Variants in SUGCT observed in about 807,000 individuals in gnomAD.
SUGCT encodes the protein succinyl-CoA:glutarate CoA-transferase.
A neutral mutation model predicts 55.0 loss-of-function variants in SUGCT; 41 were observed. The observed-to-expected ratio is 0.74, with a 90% CI of 0.58 to 0.97. The LOEUF is 0.97. Among genes scored for constraint, SUGCT ranks in the 50% least tolerant of loss-of-function variants. The pLI, the probability that SUGCT is intolerant of heterozygous loss-of-function variation, is 0.00. For synonymous variants in SUGCT, 187 were observed against 200.4 expected (o/e 0.93, Z 0.56); for missense variants, 568 against 547.8 (o/e 1.04, Z -0.37).
chr7:40,986,527 C>T, the SUGCT span, among the ~76,000 whole-genome samples: 3 of 152,130 alleles, frequency 2.0e-5, no homozygotes, highest in South Asian at 2.1e-4. Flanking sequence ...TAATATTTAT[C>T]GGGTTTATTT....
chr7:40,445,070 A>G (rs1053398342), intron 9 of SUGCT, among the ~76,000 whole-genome samples: 1 of 152,158 alleles, frequency 6.6e-6, no homozygotes, highest in Non-Finnish European at 1.5e-5. Flanking sequence ...CCCAGGGATG[A>G]AGCCAACTTG....
chr7:40,360,819 C>T (rs983141206), intron 9 of SUGCT, among the ~76,000 whole-genome samples: 5 of 151,988 alleles, frequency 3.3e-5, no homozygotes, highest in African/African-American at 1.2e-4. Context: ...TTTAGGTACT[C>T]AAAGACATTT....
At chr7:40,387,475 A>G (rs901565545) in intron 9 of SUGCT, among the ~76,000 whole-genome samples, 4 of 152,062 alleles carry the variant, frequency 2.6e-5, no homozygotes, top group African/African-American at 7.2e-5. Context: ...CTGAGTCACT[A>G]TTTTTCTGAT....
At chr7:40,290,985 T>A (rs1032388645) in intron 8 of SUGCT, among the ~76,000 whole-genome samples, 5 of 152,120 alleles carry the variant, frequency 3.3e-5, no homozygotes, top group Admixed American at 6.5e-5. Context: ...AGAATGGCGA[T>A]CATTAAAAGT....
chr7:40,727,620 T>G (rs1399396419), intron 12 of SUGCT, among the ~76,000 whole-genome samples: 5 of 152,128 alleles, frequency 3.3e-5, no homozygotes, highest in African/African-American at 1.2e-4. Flanking sequence ...TAGAACTGAG[T>G]TTTTCAAACT....
chr7:40,277,857 G>A (rs976790915), intron 8 of SUGCT, among the ~76,000 whole-genome samples: 9 of 151,822 alleles, frequency 5.9e-5, no homozygotes, highest in African/African-American at 1.9e-4. Context: ...CCCCACAACA[G>A]TCCCCAGAGT....
the SUGCT span, among the ~76,000 whole-genome samples, chr7:40,928,749 A>ACG: frequency 6.6e-6 from 1 of 151,616 alleles, no homozygotes; most frequent in Non-Finnish European, 1.5e-5. Flanking sequence ...ACAGGCACGC[A>ACG]CCACCATGAC....
chr7:40,656,157 A>C (rs1052617804), intron 12 of SUGCT, among the ~76,000 whole-genome samples: 2 of 152,300 alleles, frequency 1.3e-5, no homozygotes, highest in East Asian at 3.9e-4. Context: ...AAGATTAAGT[A>C]ACATTCCCAG....
At chr7:40,890,733 C>A in the SUGCT span, among the ~76,000 whole-genome samples, 1 of 152,170 alleles carries the variant, frequency 6.6e-6, no homozygotes, top group Non-Finnish European at 1.5e-5. Context: ...GCACTTACTT[C>A]TTCAGATGCA....
intron 12 of SUGCT, among the ~76,000 whole-genome samples, chr7:40,723,180 A>G (rs1377960349): frequency 1.3e-5 from 2 of 151,912 alleles, no homozygotes; most frequent in African/African-American, 4.8e-5. Context: ...TTAGGCACTC[A>G]GCTGGCTCTG....
intron 8 of SUGCT, among the ~76,000 whole-genome samples, chr7:40,305,046 G>C (rs1317844981): frequency 6.6e-6 from 1 of 152,124 alleles, no homozygotes; most frequent in Admixed American, 6.5e-5. Flanking sequence ...TTCCCTCATT[G>C]TTCCTTAAGC....
At chr7:40,741,679 G>A (rs2128705064) in intron 12 of SUGCT, among the ~76,000 whole-genome samples, 1 of 152,250 alleles carries the variant, frequency 6.6e-6, no homozygotes, top group East Asian at 1.9e-4. Flanking sequence ...TAAAATAACT[G>A]GAAGCTACCT....
chr7:40,640,678 G>A (rs1047888040), intron 12 of SUGCT, among the ~76,000 whole-genome samples: 3 of 152,084 alleles, frequency 2.0e-5, no homozygotes, highest in African/African-American at 7.2e-5. Flanking sequence ...ACATACACAT[G>A]CACACACACA....
At chr7:40,742,633 C>T (rs551117648) in intron 12 of SUGCT, among the ~76,000 whole-genome samples, 3 of 152,252 alleles carry the variant, frequency 2.0e-5, no homozygotes, top group Admixed American at 6.5e-5. Flanking sequence ...GGCCAAGGAC[C>T]GGTACTGGTT....
chr7:40,160,921 TAC>T (rs941443953), intron 1 of SUGCT, among the ~76,000 whole-genome samples: 2 of 152,048 alleles, frequency 1.3e-5, no homozygotes, highest in African/African-American at 2.4e-5. Flanking sequence ...TACTGATATA[TAC>T]ACACACACAC....
At chr7:40,504,246 AAAACAAACAAAC>A (rs143157340) in intron 12 of SUGCT, among the ~76,000 whole-genome samples, 5 of 152,080 alleles carry the variant, frequency 3.3e-5, no homozygotes, top group African/African-American at 1.2e-4. Flanking sequence ...TCTTTTTTAA[AAAACAAACAAAC>A]AAACAAACAA....
At chr7:40,189,474 T>C (rs1029405884) in intron 4 of SUGCT, 70 bp from the exon 5 acceptor site, 34 of 392,020 alleles carry the variant, frequency 8.7e-5, no homozygotes, top group Non-Finnish European at 1.4e-4. Context: ...TATTGCATAG[T>C]GGTGGGGATT....
intron 12 of SUGCT, among the ~76,000 whole-genome samples, chr7:40,737,197 A>C (rs1787207138): frequency 1.3e-5 from 2 of 152,294 alleles, no homozygotes; most frequent in Admixed American, 6.5e-5. Context: ...CACAGCTTCG[A>C]CATTGAATCA....
At chr7:40,482,315 A>G (rs1239464893) in intron 11 of SUGCT, among the ~76,000 whole-genome samples, 1 of 152,320 alleles carries the variant, frequency 6.6e-6, no homozygotes. Context: ...ACAAAACATT[A>G]TGATCATTTT....
Sources: gnomAD v4.1 joint callset for allele counts (sites outside exome capture counted in the v4.1 genomes callset) on GRCh38, gnomAD v4.1.1 for gene constraint, MANE v1.5 for transcripts, NCBI Gene and HGNC (gene_info 2026-07-23, HGNC 2026-07-21) for gene names.